The following ZNRF3 variants were observed in gnomAD, a reference collection of about 807,000 sequenced individuals.
ZNRF3 encodes the protein zinc and ring finger 3.
A neutral mutation model predicts 72.5 loss-of-function variants in ZNRF3; 23 were observed. The observed-to-expected ratio is 0.32, with a 90% confidence interval of 0.23 to 0.45. The LOEUF (loss-of-function observed/expected upper bound fraction) is 0.45. Ranked by LOEUF, ZNRF3 falls within the 20% of genes least tolerant of loss-of-function variation. The probability of loss-of-function intolerance (pLI) is 1.00; values close to 1 mark genes in which losing one functional copy is unlikely to be tolerated. For synonymous variants in ZNRF3, 610 were observed against 545.3 expected, an observed-to-expected ratio of 1.12 and a Z score of -1.65; for missense variants, 1,169 against 1,272.1, an observed-to-expected ratio of 0.92 and a Z score of 1.23.
chr22:28,997,856 A>G (rs868334134), intron 2 of ZNRF3, among the ~76,000 whole-genome samples: 1 of 151,946 alleles, frequency 6.6e-6, no homozygotes, highest in African/African-American at 2.4e-5. Flanking sequence ...AAACAAAAAA[A>G]TAGCTGGGCA....
At chr22:29,015,928 A>G (rs1224876357) in intron 2 of ZNRF3, among the ~76,000 whole-genome samples, 1 of 150,740 alleles carries the variant, frequency 6.6e-6, no homozygotes, top group Admixed American at 6.7e-5. Context: ...AGGAAGGAGA[A>G]TCGCTTGAAC....
In ZNRF3 at chr22:29,050,212, G is replaced by A; in HGVS notation, c.2031G>A (p.Gly677=). 6.2e-7 allele frequency: 1 copy of A among 1,600,506 alleles called. No homozygotes were observed. The highest frequency in any genetic ancestry group is 1.1e-5 in the South Asian group (1 of 91,088). ...GCAACTCCTCCCTGGAGCACAGGGG[G>A]CCCAATAGCTCTACCTCAGAAGTGG... is the stretch of plus-strand genomic sequence containing the variant. The part of the protein sequence containing the change: ...YSSNSSLEHR[G]PNSSTSEVGL... The change falls in exon 8 of 9, where the codon GGG becomes GGA. Residue 677 remains glycine (G), a synonymous_variant. Coordinates refer to ENST00000544604, the MANE Select transcript of ZNRF3 (RefSeq NM_001206998.2).
chr22:28,945,421 G>T (rs2035035908), intron 1 of ZNRF3, among the ~76,000 whole-genome samples: 1 of 152,108 alleles, frequency 6.6e-6, no homozygotes, highest in Non-Finnish European at 1.5e-5. Flanking sequence ...ACCGGGCACG[G>T]TGGCTCACAC....
chr22:28,975,127 T>A (rs751642444), intron 1 of ZNRF3, among the ~76,000 whole-genome samples: 2 of 152,144 alleles, frequency 1.3e-5, no homozygotes, highest in Non-Finnish European at 2.9e-5. Flanking sequence ...TCATATAAAG[T>A]TACTACTTTG....
Position 29,050,809 on chromosome 22 carries a change from G to A in ZNRF3, c.2628G>A (p.Glu876=), listed in dbSNP as rs2037190731. The A allele has an allele frequency of 6.2e-7, 1 of 1,608,122 alleles. No homozygotes were observed. The highest frequency in any genetic ancestry group is 1.1e-5 in the South Asian group (1 of 90,608). Residue 876 remains glutamate, a synonymous_variant, in exon 8 of 9, where the codon GAG becomes GAA. Coordinates refer to ENST00000544604, the MANE Select transcript of ZNRF3 (RefSeq NM_001206998.2). ...PHRGLGATRE[E]ERALCCQARA... ...GGGGCCTGGGAGCAACCCGGGAAGA[G>A]GAGCGGGCTCTGTGCTGCCAGGCTA...
At position 29,024,275 on chromosome 22, in the gene ZNRF3, G is replaced by T. The variant is rs1400912206; in HGVS notation, c.427-18220G>T. Among the ~76,000 whole-genome samples, 4 of 123,572 alleles carry T rather than the reference G, an allele frequency of 3.2e-5. No individual in the cohort carries two copies. In the East Asian group the frequency reaches 7.3e-4, roughly 22 times the overall value. 81.1% of individuals were successfully genotyped at this position (123,572 alleles called of 152,430 possible). On this transcript the variant is annotated intron_variant, in intron 2 of 8. Coordinates refer to ENST00000544604, the MANE Select transcript of ZNRF3 (RefSeq NM_001206998.2). ...TCTTTCATTATAATGACTTTCAAAG[G>T]CATTAACTGTTTTTTTTTTTTTGCT...
In ZNRF3 at chr22:29,051,327, A is replaced by T. The variant is rs551347623; in HGVS notation, c.2767+379A>T. On this transcript the variant is annotated intron_variant, in intron 8 of 8. Transcript: ENST00000544604. The stretch of plus-strand genomic sequence containing the variant: ...CTTTGGGAGGCCGAGGCTGTGGATC[A>T]CTTGAGGCCAGGAGTTGGAGACAGC... Among the ~76,000 whole-genome samples the T allele has an allele frequency of 4.9e-4, 74 of 152,186 alleles. 2 individuals carry two copies. In the South Asian group the frequency reaches 0.015, roughly 31 times the overall value.
intron 1 of ZNRF3, among the ~76,000 whole-genome samples, chr22:28,907,282 C>T (rs890914922): frequency 1.3e-5 from 2 of 152,090 alleles, no homozygotes; most frequent in South Asian, 2.1e-4. Context: ...CATGAGCCAC[C>T]GTGCCTGGCC....
chr22:29,046,676 A>G, intron 5 of ZNRF3, 40 bp from the exon 6 acceptor site: 1 of 1,504,024 alleles, frequency 6.6e-7, no homozygotes, highest in East Asian at 2.4e-5. Flanking sequence ...CCACTTTCAT[A>G]CGTACTGGAC....
At chr22:28,919,541 C>CTT (rs1242446288) in intron 1 of ZNRF3, among the ~76,000 whole-genome samples, 23 of 140,516 alleles carry the variant, frequency 1.6e-4, no homozygotes, top group African/African-American at 3.4e-4. Flanking sequence ...AGCCTCTTTA[C>CTT]TTTTTTTTTT....
intron 1 of ZNRF3, among the ~76,000 whole-genome samples, chr22:28,975,628 T>G (rs2035657816): frequency 6.6e-6 from 1 of 151,726 alleles, no homozygotes; most frequent in Non-Finnish European, 1.5e-5. Flanking sequence ...TCCGAGCTCC[T>G]TGGGAGGCTG....
chr22:28,900,942 AC>A (rs1057086284), intron 1 of ZNRF3, among the ~76,000 whole-genome samples: 70 of 151,934 alleles, frequency 4.6e-4, no homozygotes, highest in African/African-American at 1.6e-3. Context: ...TGTTCCTACA[AC>A]AAATTTTTTT....
intron 2 of ZNRF3, among the ~76,000 whole-genome samples, chr22:29,012,173 AC>A (rs2036358808): frequency 6.6e-6 from 1 of 152,248 alleles, no homozygotes; most frequent in South Asian, 2.1e-4. Context: ...CCAAAGGAGA[AC>A]AGCAGTGTGA....
At chr22:28,939,235 G>C (rs1240237316) in intron 1 of ZNRF3, among the ~76,000 whole-genome samples, 1 of 144,690 alleles carries the variant, frequency 6.9e-6, no homozygotes, top group Non-Finnish European at 1.5e-5. Context: ...AGTGAGCCAA[G>C]ATTGTGCCAC....
chr22:28,992,216 C>A (rs369636807), intron 2 of ZNRF3, among the ~76,000 whole-genome samples: 1,774 of 138,536 alleles, frequency 0.013, 44 homozygotes, highest in African/African-American at 0.042. Context: ...CCCGGAAAAA[C>A]GAAAAAGAAA....
intron 2 of ZNRF3, among the ~76,000 whole-genome samples, chr22:29,007,750 TC>T (rs2036282360): frequency 1.3e-5 from 1 of 75,484 alleles, no homozygotes; most frequent in African/African-American, 3.3e-5. Flanking sequence ...TTCCATTTCT[TC>T]CTTTTTTTTT....
rs1156335224 is a variant in ZNRF3 at position 29,048,537 on chromosome 22, G to T, written c.1015+46G>T. The T allele has an allele frequency of 6.3e-7, 1 of 1,581,434 alleles. No individual in the cohort carries two copies. The highest frequency in any genetic ancestry group is 1.3e-5 in the African/African-American group (1 of 74,292). Reference sequence around the variant, plus strand: ...CCATTGCTGAAGAGTCAAGTGCCTAGCTAGAGTGTGACACACACCGCAGGC... The same window carrying T: ...CCATTGCTGAAGAGTCAAGTGCCTATCTAGAGTGTGACACACACCGCAGGC... On this transcript the variant is annotated intron_variant, in intron 7 of 8. Transcript: ENST00000544604. The surrounding 1 kb of genome is among the most constrained non-coding windows in gnomAD (Gnocchi z 4.9).
Position 29,055,441 on chromosome 22 carries a change from C to G in ZNRF3, c.*1819C>G, listed in dbSNP as rs1206927135. 1 of 152,224 alleles carries G rather than the reference C, an allele frequency of 6.6e-6. No individual in the cohort carries two copies. Among genetic ancestry groups the G allele is most frequent in the East Asian group, 1.9e-4 (1 of 5,206 alleles). The allele number at this position is 152,224 out of a possible 1,614,324, so 9.4% of individuals were successfully genotyped here. A position where few individuals can be genotyped will look rare whatever the true frequency, so the allele number is the denominator to read the frequency against. On this transcript the variant is annotated 3_prime_UTR_variant, in exon 9 of 9. Coordinates refer to ENST00000544604, the MANE Select transcript of ZNRF3 (RefSeq NM_001206998.2). Reference sequence around the variant, plus strand: ...ATCTCACTCTTATCAGAATGTTTTTCTTAACCTCAGCGTATGATGAGGAAA... The same window carrying G: ...ATCTCACTCTTATCAGAATGTTTTTGTTAACCTCAGCGTATGATGAGGAAA...
At chr22:28,966,954 A>G (rs1230261505) in intron 1 of ZNRF3, among the ~76,000 whole-genome samples, 2 of 139,378 alleles carry the variant, frequency 1.4e-5, no homozygotes, top group African/African-American at 5.6e-5. Context: ...ATCTCGGCTC[A>G]CTGCAACCTC....
Sources: gnomAD v4.1 joint callset for allele counts (sites outside exome capture counted in the v4.1 genomes callset) on GRCh38, gnomAD v4.1.1 for gene constraint, Gnocchi (gnomAD v3.1) non-coding constraint, MANE v1.5 for transcripts, NCBI Gene and HGNC (gene_info 2026-07-23, HGNC 2026-07-21) for gene names.